Variants in IQCM observed in about 807,000 individuals in gnomAD.
The protein encoded by IQCM is IQ motif containing M, also known as IQ domain-containing protein M.
IQCM carries 45 observed loss-of-function variants against 57.6 expected under a neutral mutation model. The observed-to-expected ratio is 0.78, with a 90% CI of 0.62 to 1.00. IQCM has a LOEUF of 1.00. Ranked by LOEUF, IQCM falls within the 50% of genes least tolerant of loss-of-function variation. IQCM has a pLI of 0.00. For missense variants in IQCM, 468 were observed against 511.6 expected (o/e 0.91, Z 0.82); for synonymous variants, 148 against 158.9 (o/e 0.93, Z 0.51).
chr4:149,548,334 T>G (rs1748663100), intron 12 of IQCM, 121 bp downstream of exon 12: 2 of 804,422 alleles, frequency 2.5e-6, no homozygotes, highest in African/African-American at 3.6e-5. Flanking sequence ...ACACAAAAAG[T>G]TTAGTAAAAG....
intron 9 of IQCM, among the ~76,000 whole-genome samples, chr4:149,571,493 C>A (rs1194912342): frequency 1.3e-5 from 2 of 151,902 alleles, no homozygotes; most frequent in Non-Finnish European, 2.9e-5. Context: ...CATTTGGGAG[C>A]AGGTGTTAGG....
chr4:149,398,470 AATATT>A lies in IQCM; in HGVS notation c.1390+34921_1390+34925del, dbSNP rs1485902047. 2.6e-5 allele frequency among the ~76,000 whole-genome samples: 4 copies of A among 152,174 alleles called. No individual in the cohort carries two copies. In the East Asian group the frequency reaches 7.8e-4, roughly 30 times the overall value. On this transcript the variant is annotated intron_variant, in intron 13 of 13. Transcript: ENST00000636793. ...TGCTAGTATAGACATGTTAACAATA[AATATT>A]ATATCTTCCAATCCATGAACACAGG...
chr4:149,763,665 G>A (rs1300508518), intron 2 of IQCM, among the ~76,000 whole-genome samples: 1 of 152,104 alleles, frequency 6.6e-6, no homozygotes, highest in Non-Finnish European at 1.5e-5. Context: ...TAGAGACACT[G>A]GGGTTTGGGG....
chr4:149,470,418 G>A (rs979231958), intron 12 of IQCM, among the ~76,000 whole-genome samples: 1 of 152,112 alleles, frequency 6.6e-6, no homozygotes, highest in Non-Finnish European at 1.5e-5. Context: ...AACAAGAAGA[G>A]CTAACTATCC....
intron 5 of IQCM, among the ~76,000 whole-genome samples, chr4:149,720,126 C>T (rs1438248864): frequency 6.6e-6 from 1 of 152,202 alleles, no homozygotes; most frequent in Non-Finnish European, 1.5e-5. Context: ...AAGTACAAAA[C>T]ATTGAACAAA....
chr4:149,677,443 G>A (rs776826361), intron 7 of IQCM, among the ~76,000 whole-genome samples: 9 of 152,062 alleles, frequency 5.9e-5, no homozygotes, highest in Non-Finnish European at 1.0e-4. Context: ...TGCTAGAGCT[G>A]AGACAAATCT....
At chr4:149,529,081 T>C (rs1445087093) in intron 12 of IQCM, among the ~76,000 whole-genome samples, 2 of 152,204 alleles carry the variant, frequency 1.3e-5, no homozygotes, top group East Asian at 1.9e-4. Flanking sequence ...TATATATATA[T>C]GAGACAGAGT....
At chr4:149,553,751 T>C (rs1280654135) in intron 10 of IQCM, among the ~76,000 whole-genome samples, 1 of 152,198 alleles carries the variant, frequency 6.6e-6, no homozygotes, top group Non-Finnish European at 1.5e-5. Flanking sequence ...TAAGGTTTTT[T>C]TGTTGTTGTT....
chr4:149,573,638 A>C (rs1751369059), intron 9 of IQCM, among the ~76,000 whole-genome samples: 2 of 151,792 alleles, frequency 1.3e-5, no homozygotes, highest in African/African-American at 4.8e-5. Context: ...TTCACTCTTC[A>C]AAATAGTATT....
At chr4:149,699,795 A>G (rs1194227247) in intron 5 of IQCM, among the ~76,000 whole-genome samples, 1 of 151,354 alleles carries the variant, frequency 6.6e-6, no homozygotes, top group East Asian at 2.0e-4. Flanking sequence ...ATTTACTTAC[A>G]TTTCAAAGAA....
intron 5 of IQCM, among the ~76,000 whole-genome samples, chr4:149,732,834 T>C (rs1036187377): frequency 1.3e-5 from 2 of 152,210 alleles, no homozygotes; most frequent in African/African-American, 4.8e-5. Context: ...GAAAACTCTA[T>C]AGCTTCCAAA....
chr4:149,680,420 TA>T (rs1762093929), intron 7 of IQCM, among the ~76,000 whole-genome samples: 1 of 151,468 alleles, frequency 6.6e-6, no homozygotes, highest in Admixed American at 6.6e-5. Context: ...AAAAGAACTG[TA>T]AAAAATAGTA....
chr4:149,650,453 C>A (rs1759066535), intron 7 of IQCM, among the ~76,000 whole-genome samples: 1 of 144,708 alleles, frequency 6.9e-6, no homozygotes, highest in Non-Finnish European at 1.5e-5. Context: ...AGTGCAGTGG[C>A]GTGATCTTGG....
intron 5 of IQCM, among the ~76,000 whole-genome samples, chr4:149,702,930 G>A (rs1763876163): frequency 6.6e-6 from 1 of 151,800 alleles, no homozygotes; most frequent in Non-Finnish European, 1.5e-5. Context: ...AGGTTCAAAA[G>A]GCCTACTTGA....
intron 13 of IQCM, among the ~76,000 whole-genome samples, chr4:149,366,556 T>G (rs976832932): frequency 6.6e-6 from 1 of 151,906 alleles, no homozygotes. Flanking sequence ...GTCTTCTAAA[T>G]TCTATAATCT....
At chr4:149,373,366 A>G (rs529354476) in intron 13 of IQCM, among the ~76,000 whole-genome samples, 48 of 152,236 alleles carry the variant, frequency 3.2e-4, no homozygotes, top group African/African-American at 1.0e-3. Context: ...AACAGCAACA[A>G]TAACAGCAAT....
At chr4:149,430,975 C>G (rs1435361845) in intron 13 of IQCM, among the ~76,000 whole-genome samples, 1 of 151,828 alleles carries the variant, frequency 6.6e-6, no homozygotes, top group Admixed American at 6.6e-5. Context: ...TGAGGACGGG[C>G]AGATCACTTG....
chr4:149,523,587 C>T (rs569950823), intron 12 of IQCM, among the ~76,000 whole-genome samples: 85 of 151,978 alleles, frequency 5.6e-4, no homozygotes, highest in African/African-American at 1.9e-3. Context: ...GAAGAAAAAC[C>T]GCAAGACAGA....
intron 13 of IQCM, among the ~76,000 whole-genome samples, chr4:149,402,173 C>T (rs1191981990): frequency 1.3e-5 from 2 of 151,638 alleles, no homozygotes; most frequent in Non-Finnish European, 3.0e-5. Flanking sequence ...TATTAAGGTT[C>T]TTGGGTTCCT....
Sources: gnomAD v4.1 joint callset for allele counts (sites outside exome capture counted in the v4.1 genomes callset) on GRCh38, gnomAD v4.1.1 for gene constraint, MANE v1.5 for transcripts, NCBI Gene and HGNC (gene_info 2026-07-23, HGNC 2026-07-21) for gene names.